Variants in RGS6 observed in about 807,000 individuals in gnomAD.
RGS6 encodes regulator of G-protein signaling 6.
A neutral mutation model predicts 78.5 loss-of-function variants in RGS6; 30 were observed. The observed-to-expected ratio is 0.38, with a 90% CI of 0.29 to 0.52. The LOEUF is 0.52. Ranked by LOEUF, RGS6 falls within the 20% of genes least tolerant of loss-of-function variation. RGS6 has a pLI of 0.85. For synonymous variants in RGS6, 206 were observed against 206.0 expected (o/e 1.00, Z 0.00); for missense variants, 495 against 609.7 (o/e 0.81, Z 1.98).
Position 72,465,778 on chromosome 14 carries a change from A to C in RGS6, c.415A>C (p.Thr139Pro), listed in dbSNP as rs1441859777. 1.1e-5 allele frequency: 17 copies of C among 1,613,832 alleles called. No individual in the cohort carries two copies. Among genetic ancestry groups the C allele is most frequent in the Non-Finnish European group, 1.4e-5 (17 of 1,179,742 alleles). The change falls in exon 7 of 18, where the codon ACA becomes CCA. Residue 139 changes from threonine to proline, a missense_variant. Coordinates refer to ENST00000553525, the MANE Select transcript of RGS6 (RefSeq NM_001204424.2). The stretch of plus-strand genomic sequence containing the variant: ...CTCAGCCATCTATCTCTGTAAGAGG[A>C]CAATGCAAAATAAAGCAAGGCTGGA... Reference protein sequence around the residue: ...TDYAIYLCKRTMQNKARLELA... With the variant: ...TDYAIYLCKRPMQNKARLELA...
At chr14:71,878,764 T>A in the RGS6 span, among the ~76,000 whole-genome samples, 1 of 152,198 alleles carries the variant, frequency 6.6e-6, no homozygotes, top group Non-Finnish European at 1.5e-5. Flanking sequence ...ATCACCTGTC[T>A]CTGCATCACT....
intron 2 of RGS6, among the ~76,000 whole-genome samples, chr14:72,063,962 A>G (rs72737851): frequency 7.9e-5 from 12 of 152,264 alleles, no homozygotes; most frequent in Non-Finnish European, 1.3e-4. Context: ...TGAGATTACT[A>G]TCATATCTTT....
chr14:72,119,371 A>G (rs1228785844), intron 2 of RGS6, among the ~76,000 whole-genome samples: 1 of 152,198 alleles, frequency 6.6e-6, no homozygotes, highest in East Asian at 1.9e-4. Context: ...CACTGGTCAT[A>G]AGAGACATTC....
chr14:71,936,798 AAAG>A (rs764663177), intron 1 of RGS6, among the ~76,000 whole-genome samples: 8 of 152,262 alleles, frequency 5.3e-5, no homozygotes, highest in Admixed American at 1.3e-4. Context: ...GTTTTTAACA[AAAG>A]AAGGAGGAAA....
upstream of RGS6, among the ~76,000 whole-genome samples, chr14:71,927,661 T>G (rs2087735140): frequency 6.7e-6 from 1 of 150,028 alleles, no homozygotes. Flanking sequence ...TCCTTTTTTT[T>G]TCTTTTTTTT....
At chr14:72,229,590 A>G (rs1238048184) in intron 2 of RGS6, among the ~76,000 whole-genome samples, 1 of 152,218 alleles carries the variant, frequency 6.6e-6, no homozygotes, top group East Asian at 1.9e-4. Context: ...TGACAGAGTC[A>G]TTTAGGGCCT....
At chr14:72,578,222 G>C in the RGS6 span, among the ~76,000 whole-genome samples, 1 of 152,184 alleles carries the variant, frequency 6.6e-6, no homozygotes, top group Non-Finnish European at 1.5e-5. Flanking sequence ...TGGCTTTGAA[G>C]AAACTTCATT....
chr14:72,120,268 T>G (rs2096013563), intron 2 of RGS6, among the ~76,000 whole-genome samples: 1 of 152,196 alleles, frequency 6.6e-6, no homozygotes, highest in African/African-American at 2.4e-5. Flanking sequence ...AGTTTCCAAA[T>G]ATTGTTTTAG....
chr14:71,901,214 G>T, the RGS6 span, among the ~76,000 whole-genome samples: 1 of 152,168 alleles, frequency 6.6e-6, no homozygotes, highest in Non-Finnish European at 1.5e-5. Flanking sequence ...TTTCTAAACT[G>T]ATGAGTTTCC....
chr14:72,299,127 T>C (rs1306731324), intron 2 of RGS6, among the ~76,000 whole-genome samples: 1 of 152,228 alleles, frequency 6.6e-6, no homozygotes, highest in East Asian at 1.9e-4. Flanking sequence ...TATGGTAGCA[T>C]CTTTATAGAG....
chr14:72,346,534 CCT>C (rs1174670833), intron 2 of RGS6, among the ~76,000 whole-genome samples: 2 of 152,326 alleles, frequency 1.3e-5, no homozygotes, highest in Non-Finnish European at 2.9e-5. Context: ...TGAGAATCCA[CCT>C]GGTAAGACAG....
intron 13 of RGS6, among the ~76,000 whole-genome samples, chr14:72,506,834 A>G (rs2096807140): frequency 6.6e-6 from 1 of 152,026 alleles, no homozygotes; most frequent in Non-Finnish European, 1.5e-5. Context: ...CCCTAATCCA[A>G]TATGACTGAT....
chr14:72,504,622 G>A (rs1221955263), intron 13 of RGS6, among the ~76,000 whole-genome samples: 2 of 152,072 alleles, frequency 1.3e-5, no homozygotes, highest in African/African-American at 4.8e-5. Flanking sequence ...GGAAGATTGA[G>A]GCTTTCTTTA....
the RGS6 span, among the ~76,000 whole-genome samples, chr14:71,885,504 G>A: frequency 6.6e-6 from 1 of 152,214 alleles, no homozygotes; most frequent in African/African-American, 2.4e-5. Flanking sequence ...TGCTTTGTTT[G>A]TGGAGCTGGA....
chr14:72,355,985 C>T (rs532173272), intron 3 of RGS6, among the ~76,000 whole-genome samples: 3 of 152,270 alleles, frequency 2.0e-5, no homozygotes, highest in South Asian at 4.1e-4. Context: ...ATCACTTAGC[C>T]TCTTATCACT....
At chr14:72,226,536 A>G (rs1267197796) in intron 2 of RGS6, among the ~76,000 whole-genome samples, 1 of 152,186 alleles carries the variant, frequency 6.6e-6, no homozygotes, top group Non-Finnish European at 1.5e-5. Context: ...TATATCATGC[A>G]TATGCTGTGT....
intron 2 of RGS6, among the ~76,000 whole-genome samples, chr14:72,134,485 G>T (rs776398864): frequency 1.7e-4 from 26 of 152,284 alleles, no homozygotes; most frequent in African/African-American, 5.8e-4. Context: ...TTTGTTTTAT[G>T]TACAGAAATA....
upstream of RGS6, among the ~76,000 whole-genome samples, chr14:71,928,622 G>A (rs756447227): frequency 5.9e-5 from 9 of 152,098 alleles, no homozygotes; most frequent in Admixed American, 5.9e-4. Context: ...TTTATCACCC[G>A]TTTTGAGAGC....
At position 72,474,776 on chromosome 14, in the gene RGS6, T is replaced by C. The variant is rs543106271; in HGVS notation, c.693+77T>C. 3.4e-6 allele frequency: 4 copies of C among 1,178,758 alleles called. No individual in the cohort carries two copies. In the East Asian group the frequency reaches 9.8e-5, roughly 29 times the overall value. The allele number at this position is 1,178,758 out of a possible 1,614,324, so 73.0% of individuals were successfully genotyped here. A position where few individuals can be genotyped will look rare whatever the true frequency, so the allele number is the denominator to read the frequency against. ...TTCTAGTACTATTCAAATAGTAATT[T>C]GCTACTTGTAATTCTACCACCTTTT... On this transcript the variant is annotated intron_variant, in intron 10 of 17. Transcript: ENST00000553525.
Sources: allele counts gnomAD v4.1 joint callset (sites outside exome capture counted in the v4.1 genomes callset), GRCh38; gene constraint gnomAD v4.1.1; transcripts MANE v1.5; gene names NCBI Gene and HGNC (gene_info 2026-07-23, HGNC 2026-07-21).